The following ERG variants were observed in gnomAD, a reference collection of about 807,000 sequenced individuals.
ERG encodes ETS transcription factor ERG, also known as transcriptional regulator ERG.
In ERG, 9 loss-of-function variants were observed where a neutral mutation model predicts 55.3. The ratio of observed to expected loss-of-function variants is 0.16; its 90% confidence interval spans 0.10 to 0.28. The LOEUF is 0.28. Ranked by LOEUF, ERG falls within the 10% of genes least tolerant of loss-of-function variation. ERG has a pLI of 1.00. For synonymous variants in ERG, 223 were observed against 237.3 expected (o/e 0.94, Z 0.55); for missense variants, 434 against 631.6 (o/e 0.69, Z 3.35).
chr21:38,485,912 AT>A (rs1273953590), intron 1 of ERG, among the ~76,000 whole-genome samples: 5 of 151,524 alleles, frequency 3.3e-5, no homozygotes, highest in Admixed American at 1.3e-4. Context: ...CAGGTGTATC[AT>A]TTTTTTCCCT....
intron 3 of ERG, among the ~76,000 whole-genome samples, chr21:38,405,951 G>C (rs541133442): frequency 5.9e-5 from 9 of 152,076 alleles, no homozygotes; most frequent in African/African-American, 1.7e-4. Flanking sequence ...AGGAGATCGA[G>C]ACCATCCTGG....
At chr21:38,654,529 A>G (rs1342129501) in intron 1 of ERG, among the ~76,000 whole-genome samples, 1 of 152,248 alleles carries the variant, frequency 6.6e-6, no homozygotes, top group Non-Finnish European at 1.5e-5. Flanking sequence ...GTAGTAATCA[A>G]TAATATCCCT....
chr21:38,612,307 T>C (rs1341423798), intron 1 of ERG, among the ~76,000 whole-genome samples: 1 of 152,218 alleles, frequency 6.6e-6, no homozygotes, highest in African/African-American at 2.4e-5. Flanking sequence ...TTTTTTCCCC[T>C]TTTTCTTTCT....
chr21:38,497,842 G>A (rs1307949182), intron 1 of ERG, among the ~76,000 whole-genome samples: 1 of 152,198 alleles, frequency 6.6e-6, no homozygotes, highest in Non-Finnish European at 1.5e-5. Flanking sequence ...CAGCGTGGAT[G>A]TCCCACAAAT....
chr21:38,383,983 C>G lies in ERG; in HGVS notation c.920-60G>C. On this transcript the variant is annotated intron_variant, in intron 9 of 9. Transcript: ENST00000288319. This position sits in a 1 kb window ranked among gnomAD's most constrained non-coding sequence, Gnocchi z 5.7. ...GAGCACAGGTTCCAGGGGAAAGAGG[C>G]TCTCTGTGATGACGGAAGGAGGTGC... is the stretch of plus-strand genomic sequence containing the variant. 1.9e-6 allele frequency: 3 copies of G among 1,550,140 alleles called. No individual in the cohort carries two copies. In the South Asian group the frequency reaches 3.7e-5, roughly 19 times the overall value.
chr21:38,560,663 C>A lies in ERG; in HGVS notation c.-41+14999G>T, dbSNP rs910865814. Reference sequence around the variant, plus strand: ...CAGGGAACCTAACTAACACAATACTCCTAAAACCAATACCAGCAAAAAGTG... The same window carrying A: ...CAGGGAACCTAACTAACACAATACTACTAAAACCAATACCAGCAAAAAGTG... On this transcript the variant is annotated intron_variant, in intron 2 of 8. Transcript: ENST00000398897. Among the ~76,000 whole-genome samples the A allele has an allele frequency of 2.0e-5, 3 of 152,182 alleles. No individual in the cohort carries two copies. In the East Asian group the frequency reaches 5.8e-4, roughly 29 times the overall value.
At chr21:38,514,648 G>A (rs185397379) in intron 2 of ERG, among the ~76,000 whole-genome samples, 1 of 152,014 alleles carries the variant, frequency 6.6e-6, no homozygotes, top group Non-Finnish European at 1.5e-5. Flanking sequence ...ACATTTTCAT[G>A]TCAAAACTTT....
intron 2 of ERG, among the ~76,000 whole-genome samples, chr21:38,512,022 A>G (rs951836227): frequency 6.6e-6 from 1 of 152,244 alleles, no homozygotes; most frequent in Non-Finnish European, 1.5e-5. Context: ...CACTGTGTGC[A>G]TGACAGACTG....
rs189316969 is a variant in ERG, at chr21:38,629,962, T to C, written c.-150+31696A>G. Among the ~76,000 whole-genome samples, 117 of 152,316 alleles carry C rather than the reference T, an allele frequency of 7.7e-4. 1 individual carries two copies. Among genetic ancestry groups the C allele is most frequent in the Admixed American group, 2.9e-3 (44 of 15,286 alleles). On this transcript the variant is annotated intron_variant, in intron 1 of 10. Transcript: ENST00000398910. Reference sequence around the variant, plus strand: ...ATTATAATCCATGTTACAAAATGGATGGCCCTTGAAAACATTATGCAAAGT... The same window carrying C: ...ATTATAATCCATGTTACAAAATGGACGGCCCTTGAAAACATTATGCAAAGT...
At chr21:38,632,353 AT>A (rs2060361862) in intron 1 of ERG, among the ~76,000 whole-genome samples, 1 of 152,200 alleles carries the variant, frequency 6.6e-6, no homozygotes, top group South Asian at 2.1e-4. Flanking sequence ...GAACACTATA[AT>A]TTTTTAAAAA....
intron 2 of ERG, among the ~76,000 whole-genome samples, chr21:38,431,799 C>T (rs1186280512): frequency 3.9e-5 from 6 of 152,200 alleles, no homozygotes; most frequent in African/African-American, 7.2e-5. Flanking sequence ...TAAACAATAT[C>T]GTTCCCAACA....
At chr21:38,372,928 T>G in the ERG span, among the ~76,000 whole-genome samples, 1 of 152,208 alleles carries the variant, frequency 6.6e-6, no homozygotes, top group Non-Finnish European at 1.5e-5. Context: ...AAAATCAAAA[T>G]GAAATTGACT....
At chr21:38,414,205 A>G (rs1989182581) in intron 3 of ERG, among the ~76,000 whole-genome samples, 1 of 152,130 alleles carries the variant, frequency 6.6e-6, no homozygotes, top group African/African-American at 2.4e-5. Flanking sequence ...CTTCACATGG[A>G]GTTCTCCCTC....
intron 1 of ERG, among the ~76,000 whole-genome samples, chr21:38,594,958 G>A (rs970719252): frequency 1.3e-5 from 2 of 152,162 alleles, no homozygotes; most frequent in Non-Finnish European, 2.9e-5. Context: ...GAGGGGTTTT[G>A]CACAATGGCC....
rs541216617 is a variant in ERG at position 38,644,475 on chromosome 21, C to T, written c.-150+17183G>A. ...CAAACAAGAGCCTTCCCAAACATTG[C>T]CTGCAGACATCTTGGTCTGTAGAAA... is the stretch of plus-strand genomic sequence containing the variant. On this transcript the variant is annotated intron_variant, in intron 1 of 10. Transcript: ENST00000398910. 2.6e-5 allele frequency among the ~76,000 whole-genome samples: 4 copies of T among 152,282 alleles called. No homozygotes were observed. In the South Asian group the frequency reaches 8.3e-4, roughly 32 times the overall value.
intron 3 of ERG, among the ~76,000 whole-genome samples, chr21:38,408,527 G>A (rs1188544242): frequency 6.6e-6 from 1 of 152,190 alleles, no homozygotes; most frequent in African/African-American, 2.4e-5. Flanking sequence ...TGCTCACACT[G>A]AACTCCACCT....
intron 1 of ERG, among the ~76,000 whole-genome samples, chr21:38,647,690 G>A (rs1198311142): frequency 1.3e-5 from 2 of 152,192 alleles, no homozygotes; most frequent in African/African-American, 2.4e-5. Flanking sequence ...AGTGCCTCAG[G>A]TGACACAGAA....
chr21:38,649,165 G>A (rs902418355), intron 1 of ERG, among the ~76,000 whole-genome samples: 9 of 152,258 alleles, frequency 5.9e-5, no homozygotes, highest in African/African-American at 1.9e-4. Flanking sequence ...CAGCCATTTC[G>A]CACCCGCAGA....
At chr21:38,499,990 C>G (rs1418482961), upstream of ERG, among the ~76,000 whole-genome samples, 1 of 152,132 alleles carries the variant, frequency 6.6e-6, no homozygotes, top group African/African-American at 2.4e-5. Context: ...GATTTCCGCT[C>G]TTTTCATCTC....
Sources: gnomAD v4.1 joint callset for allele counts (sites outside exome capture counted in the v4.1 genomes callset) on GRCh38, gnomAD v4.1.1 for gene constraint, Gnocchi (gnomAD v3.1) non-coding constraint, MANE v1.5 for transcripts, NCBI Gene and HGNC (gene_info 2026-07-23, HGNC 2026-07-21) for gene names.